CDYL2: variants seen among roughly 807,000 people sequenced by gnomAD.
CDYL2 encodes the protein chromodomain Y like 2, also known as chromodomain Y-like protein 2.
CDYL2 carries 23 observed loss-of-function variants against 49.4 expected under a neutral mutation model. That is an observed-to-expected ratio of 0.47 (90% CI 0.34 to 0.66). The LOEUF (loss-of-function observed/expected upper bound fraction) is 0.66, where lower values mean the gene tolerates loss of function less well. Among genes scored for constraint, CDYL2 ranks in the 30% least tolerant of loss-of-function variants. CDYL2 has a pLI of 0.01. For synonymous variants in CDYL2, 360 were observed against 268.8 expected, an observed-to-expected ratio of 1.34 and a Z score of -3.32; for missense variants, 678 against 656.4, an observed-to-expected ratio of 1.03 and a Z score of -0.36.
At chr16:80,663,522 G>A (rs1443294851) in intron 2 of CDYL2, among the ~76,000 whole-genome samples, 1 of 152,092 alleles carries the variant, frequency 6.6e-6, no homozygotes, top group African/African-American at 2.4e-5. Context: ...GAAAGTTTAG[G>A]TTCTCAGATT....
At chr16:80,688,415 A>T (rs1455249134) in intron 1 of CDYL2, among the ~76,000 whole-genome samples, 1 of 150,116 alleles carries the variant, frequency 6.7e-6, no homozygotes, top group South Asian at 2.1e-4. Context: ...TAAAATATAT[A>T]ATAATAAAGA....
At chr16:80,637,393 C>G (rs954047879) in intron 2 of CDYL2, among the ~76,000 whole-genome samples, 7 of 151,962 alleles carry the variant, frequency 4.6e-5, no homozygotes, top group Non-Finnish European at 8.8e-5. Flanking sequence ...ACTGAGAGTC[C>G]TAGCGATTGC....
chr16:80,727,086 T>A (rs1486422058), intron 1 of CDYL2, among the ~76,000 whole-genome samples: 1 of 152,086 alleles, frequency 6.6e-6, no homozygotes, highest in Non-Finnish European at 1.5e-5. Flanking sequence ...AAAAAAAAGT[T>A]CTGGGAGCCA....
At chr16:80,663,727 G>C (rs1051684646) in intron 2 of CDYL2, among the ~76,000 whole-genome samples, 28 of 152,216 alleles carry the variant, frequency 1.8e-4, no homozygotes, top group African/African-American at 6.0e-4. Context: ...CAAGTAGCTA[G>C]AATTACAGGC....
chr16:80,782,544 A>T (rs1425980738), intron 1 of CDYL2, among the ~76,000 whole-genome samples: 3 of 150,850 alleles, frequency 2.0e-5, no homozygotes, highest in Non-Finnish European at 4.4e-5. Context: ...AAAAAAAAAA[A>T]AAAAAAAACT....
At chr16:80,776,262 C>G (rs1387919597) in intron 1 of CDYL2, among the ~76,000 whole-genome samples, 1 of 151,984 alleles carries the variant, frequency 6.6e-6, no homozygotes, top group African/African-American at 2.4e-5. Context: ...CTCAATTCAA[C>G]TAGCTAGAAA....
chr16:80,759,672 G>C lies in CDYL2; in HGVS notation c.24+44478C>G, dbSNP rs533748443. Among the ~76,000 whole-genome samples, 55 of 152,240 alleles carry C rather than the reference G, an allele frequency of 3.6e-4. 1 individual carries two copies. The highest frequency in any genetic ancestry group is 2.7e-3 in the Admixed American group (41 of 15,284). ...CATTTAGGAGAGTGAAATGATACCT[G>C]GAAGTAAATGTATAACCATAAAGAT... On this transcript the variant is annotated intron_variant, in intron 1 of 6. Transcript: ENST00000570137.
intron 2 of CDYL2, among the ~76,000 whole-genome samples, chr16:80,677,137 A>C (rs952956177): frequency 1.3e-5 from 2 of 151,496 alleles, no homozygotes; most frequent in African/African-American, 4.9e-5. Flanking sequence ...CACCTGGCTA[A>C]TTTTTGTATT....
chr16:80,676,420 C>T (rs1222917786), intron 2 of CDYL2, among the ~76,000 whole-genome samples: 1 of 152,088 alleles, frequency 6.6e-6, no homozygotes, highest in African/African-American at 2.4e-5. Flanking sequence ...AAGAGGCTGC[C>T]CCGGGAACAC....
chr16:80,749,767 C>T (rs1906066449), intron 1 of CDYL2, among the ~76,000 whole-genome samples: 1 of 151,980 alleles, frequency 6.6e-6, no homozygotes, highest in Admixed American at 6.6e-5. Context: ...TGTGCATGTG[C>T]TATAAAGACA....
chr16:80,743,788 A>T (rs916431050), intron 1 of CDYL2, among the ~76,000 whole-genome samples: 2 of 152,128 alleles, frequency 1.3e-5, no homozygotes, highest in African/African-American at 4.8e-5. Flanking sequence ...AACCCCTTCA[A>T]AATCAATTAA....
chr16:80,608,926 A>C (rs906703461), intron 5 of CDYL2, among the ~76,000 whole-genome samples: 1 of 152,184 alleles, frequency 6.6e-6, no homozygotes, highest in Non-Finnish European at 1.5e-5. Flanking sequence ...CCTTTTTTAA[A>C]AATTAAACTG....
At chr16:80,669,473 C>A (rs975778269) in intron 2 of CDYL2, among the ~76,000 whole-genome samples, 1 of 152,020 alleles carries the variant, frequency 6.6e-6, no homozygotes, top group Non-Finnish European at 1.5e-5. Flanking sequence ...GACAAGGAGC[C>A]GCGTCAAGCA....
chr16:80,706,913 A>T (rs1438040004), intron 1 of CDYL2, among the ~76,000 whole-genome samples: 1 of 152,186 alleles, frequency 6.6e-6, no homozygotes, highest in Non-Finnish European at 1.5e-5. Flanking sequence ...ACTCAGGTCA[A>T]TCACACCTAC....
At chr16:80,691,608 G>A (rs1047719617) in intron 1 of CDYL2, among the ~76,000 whole-genome samples, 1 of 152,184 alleles carries the variant, frequency 6.6e-6, no homozygotes, top group African/African-American at 2.4e-5. Context: ...AGTAATAGCA[G>A]CATCATCACA....
intron 2 of CDYL2, among the ~76,000 whole-genome samples, chr16:80,670,555 A>C (rs1181356220): frequency 6.6e-6 from 1 of 152,086 alleles, no homozygotes; most frequent in Non-Finnish European, 1.5e-5. Flanking sequence ...AGAATGGACT[A>C]ATACAAGCAG....
intron 1 of CDYL2, among the ~76,000 whole-genome samples, chr16:80,768,570 C>G (rs532005812): frequency 1.3e-5 from 2 of 152,172 alleles, no homozygotes; most frequent in African/African-American, 4.8e-5. Context: ...GCACAAGGCA[C>G]GATCAAGGTC....
Position 80,633,099 on chromosome 16 carries a change from T to C in CDYL2, c.754A>G (p.Ile252Val), listed in dbSNP as rs998542266. ...QNESNCRFRD[I>V]VVRKEEGFTH... ...AACCCTTCTTCCTTCCGCACAACGA[T>C]GTCTCGAAACCGACAGTTGCTTTCA... Residue 252 changes from isoleucine (I) to valine (V), a missense_variant, in exon 3 of 7, where the codon ATC becomes GTC. This residue lies in a region of CDYL2 where 478 missense variants were observed against 427.0 expected (regional missense o/e 1.12). Coordinates refer to ENST00000570137, the MANE Select transcript of CDYL2 (RefSeq NM_152342.4). 2.5e-6 allele frequency: 4 copies of C among 1,614,072 alleles called. No individual in the cohort carries two copies. The African/African-American group carries it at 4.0e-5, about 16-fold the overall frequency.
intron 1 of CDYL2, among the ~76,000 whole-genome samples, chr16:80,728,821 T>C (rs1905243078): frequency 6.6e-6 from 1 of 151,900 alleles, no homozygotes; most frequent in South Asian, 2.1e-4. Flanking sequence ...AAAAGAATTT[T>C]CAACCCAGAA....
Sources: gnomAD v4.1 joint callset for allele counts (sites outside exome capture counted in the v4.1 genomes callset) on GRCh38, gnomAD v4.1.1 for gene constraint, gnomAD v4.1.1 regional missense constraint, MANE v1.5 for transcripts, NCBI Gene and HGNC (gene_info 2026-07-23, HGNC 2026-07-21) for gene names.